ELP3: variants seen among roughly 807,000 people sequenced by gnomAD.
The protein encoded by ELP3 is elongator complex protein 3.
In ELP3, 56 loss-of-function variants were observed where a neutral mutation model predicts 74.9. That is an observed-to-expected ratio of 0.75 (90% confidence interval 0.60 to 0.93). ELP3 has a LOEUF of 0.93. Ranked by LOEUF, ELP3 falls within the 40% of genes least tolerant of loss-of-function variation. The pLI is 0.00. For missense variants in ELP3, 573 were observed against 686.5 expected, an observed-to-expected ratio of 0.83 and a Z score of 1.85; for synonymous variants, 222 against 239.8, an observed-to-expected ratio of 0.93 and a Z score of 0.68.
rs1814021850 is a variant in ELP3, at chr8:28,160,337, T to A, written c.1366T>A (p.Cys456Ser). 3 of 1,614,028 alleles carry A rather than the reference T, an allele frequency of 1.9e-6. No individual in the cohort carries two copies. Among genetic ancestry groups the A allele is most frequent in the Non-Finnish European group, 2.5e-6 (3 of 1,180,032 alleles). The change falls in exon 13 of 15, where the codon TGT becomes AGT. Residue 456 changes from cysteine (C) to serine (S), a missense_variant. Physicochemically the swap from Cys to Ser is moderately radical, Grantham distance 112 (BLOSUM62 -1). Transcript: ENST00000256398. ...GATTGGCCTCCTACGATTACGCAAG[T>A]GTTCAGAAGAAACTTTCCGTTTCGA... ...ILIGLLRLRK[C>S]SEETFRFELG...
intron 6 of ELP3, 100 bp from the exon 7 acceptor site, chr8:28,112,919 T>C: frequency 9.2e-7 from 1 of 1,089,610 alleles, no homozygotes; most frequent in Non-Finnish European, 1.3e-6. Flanking sequence ...ATTTTTAAAC[T>C]GTACTGATGA....
chr8:28,162,529 A>G (rs1366485377), intron 14 of ELP3, among the ~76,000 whole-genome samples: 2 of 152,214 alleles, frequency 1.3e-5, no homozygotes, highest in Non-Finnish European at 2.9e-5. Context: ...TTTTGTTCTC[A>G]GTAACTTCAA....
chr8:28,128,231 TG>T (rs1242791167), intron 7 of ELP3, among the ~76,000 whole-genome samples: 5 of 152,022 alleles, frequency 3.3e-5, no homozygotes, highest in African/African-American at 1.2e-4. Flanking sequence ...CCCAGCACTT[TG>T]GGGGGCCGAA....
Position 28,134,525 on chromosome 8 carries a change from AAATT to A in ELP3, c.906+2122_906+2125del, listed in dbSNP as rs553284596. Among the ~76,000 whole-genome samples the A allele has an allele frequency of 1.5e-4, 23 of 152,348 alleles. No homozygotes were observed. In the South Asian group the frequency reaches 2.7e-3, roughly 18 times the overall value. On this transcript the variant is annotated intron_variant, in intron 9 of 14. Transcript: ENST00000256398. The stretch of plus-strand genomic sequence containing the variant: ...TCTAGAGAAGAATTCTCTACAAATT[AAATT>A]GTTTTAAAATAAATAAGTTTTAGAA...
chr8:28,132,127 C>G, intron 8 of ELP3, 151 bp from the exon 9 acceptor site: 1 of 708,972 alleles, frequency 1.4e-6, no homozygotes, highest in Non-Finnish European at 2.3e-6. Context: ...TTTCCCCCAG[C>G]CATATGATTT....
At position 28,103,205 on chromosome 8, in the gene ELP3, G is replaced by A. The variant is rs183779672; in HGVS notation, c.258+3239G>A. On this transcript the variant is annotated intron_variant, in intron 3 of 14. Coordinates refer to ENST00000256398, the MANE Select transcript of ELP3 (RefSeq NM_018091.6). ...ACAAACAAACAAACAAACAAAAACA[G>A]CTCCTATTTGTCCCTTTCCCTCTGC... is the stretch of plus-strand genomic sequence containing the variant. Among the ~76,000 whole-genome samples, 76 of 152,066 alleles carry A rather than the reference G, an allele frequency of 5.0e-4. 2 individuals carry two copies. In the East Asian group the frequency reaches 0.01, roughly 21 times the overall value.
intron 9 of ELP3, among the ~76,000 whole-genome samples, chr8:28,133,206 T>C (rs1409871786): frequency 1.3e-5 from 2 of 152,154 alleles, no homozygotes; most frequent in East Asian, 3.8e-4. Context: ...ATTTTTCAAG[T>C]TTGTATTTAC....
rs147689518 is a variant in ELP3, at chr8:28,116,281, G to A, written c.617+3108G>A. On this transcript the variant is annotated intron_variant, in intron 7 of 14. Coordinates refer to ENST00000256398, the MANE Select transcript of ELP3 (RefSeq NM_018091.6). ...CCCATCTGAAAGGTTTGGCAGCTGG[G>A]AGAGTTTGTGTGGACAGCAGCCCAC... Among the ~76,000 whole-genome samples the A allele has an allele frequency of 4.7e-4, 71 of 152,332 alleles. 1 individual carries two copies. Among genetic ancestry groups the A allele is most frequent in the Middle Eastern group, 3.4e-3 (1 of 294 alleles).
intron 7 of ELP3, among the ~76,000 whole-genome samples, chr8:28,122,606 A>C (rs1204730378): frequency 6.6e-6 from 1 of 152,138 alleles, no homozygotes; most frequent in African/African-American, 2.4e-5. Context: ...TAGGCTTTTA[A>C]CATCTGTGGA....
In ELP3 at chr8:28,161,981, T is replaced by C. The variant is rs576013355; in HGVS notation, c.1486-16T>C. 4.8e-5 allele frequency: 78 copies of C among 1,613,694 alleles called. 2 individuals are homozygous for C. The South Asian group carries it at 7.9e-4, about 16-fold the overall frequency. ...CTTCCTTTTTAATTCCCACTCCCCA[T>C]TGTTGCTCCGTGCAGGGATTTGGCA... is the stretch of plus-strand genomic sequence containing the variant. On this transcript the variant is annotated splice_polypyrimidine_tract_variant and intron_variant, in intron 13 of 14. Coordinates refer to ENST00000256398, the MANE Select transcript of ELP3 (RefSeq NM_018091.6).
rs151103051 is a variant in ELP3 at position 28,113,162 on chromosome 8, C to T, written c.606C>T (p.Tyr202=). ...CAGGACATACTTCCAACAATATTTA[C>T]GAGGCAGTCAAGTAAGAAATTCTTA... is the stretch of plus-strand genomic sequence containing the variant. ...ALSGHTSNNI[Y]EAVKYSERSL... is the part of the protein sequence containing the mutation. Residue 202 remains tyrosine, a synonymous_variant, in exon 7 of 15, where the codon TAC becomes TAT. Coordinates refer to ENST00000256398, the MANE Select transcript of ELP3 (RefSeq NM_018091.6). 37 of 1,612,454 alleles carry T rather than the reference C, an allele frequency of 2.3e-5. 1 individual carries two copies. The highest frequency in any genetic ancestry group is 1.7e-4 in the Middle Eastern group (1 of 6,054).
In ELP3 at chr8:28,137,705, T is replaced by C. The variant is rs775448667; in HGVS notation, c.914T>C (p.Phe305Ser). 2.2e-5 allele frequency: 35 copies of C among 1,612,986 alleles called. 1 individual carries two copies. The South Asian group carries it at 3.8e-4, about 18-fold the overall frequency. The change falls in exon 10 of 15, where the codon TTT (phenylalanine) becomes TCT (serine). Residue 305 changes from phenylalanine to serine, a missense_variant. By Grantham distance (155) the Phe-to-Ser change is radical. Transcript: ENST00000256398. ...ERDIEQFTEF[F>S]ENPAFRPDGL... ...TCTGTTCTCTATTCACAGGAGTTTT[T>C]TGAGAACCCTGCTTTTCGTCCCGAT...
Position 28,178,538 on chromosome 8 carries a change from G to C in ELP3, c.1568-11111G>C, listed in dbSNP as rs147161492. Among the ~76,000 whole-genome samples, 8 of 152,292 alleles carry C rather than the reference G, an allele frequency of 5.3e-5. No individual in the cohort carries two copies. The East Asian group carries it at 7.7e-4, about 15-fold the overall frequency. Reference sequence around the variant, plus strand: ...TTCATTCCTTTTCATTGATATATGGGATTCCATTATGCTGATAGTTCACGA... The same window carrying C: ...TTCATTCCTTTTCATTGATATATGGCATTCCATTATGCTGATAGTTCACGA... On this transcript the variant is annotated intron_variant, in intron 14 of 14. Transcript: ENST00000256398.
chr8:28,189,436 G>A (rs1815369721), intron 14 of ELP3, among the ~76,000 whole-genome samples: 1 of 152,166 alleles, frequency 6.6e-6, no homozygotes, highest in African/African-American at 2.4e-5. Context: ...TAAAAATCAG[G>A]GAAAGAGTCT....
Position 28,165,299 on chromosome 8 carries a change from G to T in ELP3, c.1567+3221G>T, listed in dbSNP as rs188824879. Among the ~76,000 whole-genome samples the T allele has an allele frequency of 1.8e-3, 274 of 152,232 alleles. 1 individual carries two copies. Among genetic ancestry groups the T allele is most frequent in the African/African-American group, 6.1e-3 (252 of 41,532 alleles). On this transcript the variant is annotated intron_variant, in intron 14 of 14. Coordinates refer to ENST00000256398, the MANE Select transcript of ELP3 (RefSeq NM_018091.6). ...GGACCTTTTCTGTGCCATATTAAGA[G>T]ACTCTTTAATTTCATCAATAATAGA... is the stretch of plus-strand genomic sequence containing the variant.
At chr8:28,117,627 C>T (rs1013512301) in intron 7 of ELP3, among the ~76,000 whole-genome samples, 4 of 152,158 alleles carry the variant, frequency 2.6e-5, no homozygotes, top group Admixed American at 2.0e-4. Flanking sequence ...AAAGTACAAT[C>T]TGGGAGCCAT....
intron 10 of ELP3, among the ~76,000 whole-genome samples, chr8:28,152,855 T>A (rs576574249): frequency 4.4e-4 from 67 of 152,348 alleles, no homozygotes; most frequent in African/African-American, 1.6e-3. Flanking sequence ...CTTCTGTGTT[T>A]TATTCTAACA....
At chr8:28,158,525 C>A in intron 11 of ELP3, 43 bp from the exon 12 acceptor site, 3 of 1,248,756 alleles carry the variant, frequency 2.4e-6, no homozygotes, top group Non-Finnish European at 3.5e-6. Context: ...TATTTGTACC[C>A]CTCCCACCCC....
chr8:28,139,444 A>G (rs1286479989), intron 10 of ELP3, among the ~76,000 whole-genome samples: 2 of 152,178 alleles, frequency 1.3e-5, no homozygotes, highest in South Asian at 4.1e-4. Flanking sequence ...TGTAAATGTA[A>G]TGAATAACAA....
Sources: gnomAD v4.1 joint callset for allele counts (sites outside exome capture counted in the v4.1 genomes callset) on GRCh38, gnomAD v4.1.1 for gene constraint, MANE v1.5 for transcripts, NCBI Gene and HGNC (gene_info 2026-07-23, HGNC 2026-07-21) for gene names.